Variants in ZNF850 observed in about 807,000 individuals in gnomAD.
ZNF850 encodes putative zinc finger protein ENSP00000330994.
ZNF850 carries 2 observed loss-of-function variants against 11.9 expected under a neutral mutation model. That is an observed-to-expected ratio of 0.17 (90% confidence interval 0.07 to 0.53). ZNF850 has a LOEUF of 0.53. Ranked by LOEUF, ZNF850 falls within the 20% of genes least tolerant of loss-of-function variation. The probability of loss-of-function intolerance (pLI) is 0.94; values close to 1 mark genes in which losing one functional copy is unlikely to be tolerated. For synonymous variants in ZNF850, 381 were observed against 443.0 expected (o/e 0.86, Z 1.76); for missense variants, 1,014 against 1,316.4 (o/e 0.77, Z 3.55).
chr19:36,755,254 G>A (rs1232246587), intron 4 of ZNF850, among the ~76,000 whole-genome samples: 1 of 152,144 alleles, frequency 6.6e-6, no homozygotes, highest in Non-Finnish European at 1.5e-5. Flanking sequence ...TTGAGACAGA[G>A]TCTCGCTCTG....
At chr19:36,762,921 C>T (rs1370332625) in intron 1 of ZNF850, among the ~76,000 whole-genome samples, 2 of 151,406 alleles carry the variant, frequency 1.3e-5, no homozygotes, top group African/African-American at 2.4e-5. Flanking sequence ...GACAGGGTCT[C>T]GTTCTGTTGC....
chr19:36,772,681 C>T (rs1223415138), intron 1 of ZNF850, 44 bp downstream of exon 1: 1 of 153,580 alleles, frequency 6.5e-6, no homozygotes, highest in African/African-American at 2.4e-5. Flanking sequence ...AAACTCCTCT[C>T]CTCAGCCCTC....
chr19:36,770,703 C>CAAAAAAAAAAA lies in ZNF850; in HGVS notation c.-70+2011_-70+2021dup, dbSNP rs567709722. Among the ~76,000 whole-genome samples the CAAAAAAAAAAA allele has an allele frequency of 1.5e-3, 97 of 66,596 alleles. 17 individuals are homozygous for CAAAAAAAAAAA. Among genetic ancestry groups the CAAAAAAAAAAA allele is most frequent in the Non-Finnish European group, 2.2e-3 (71 of 31,916 alleles). 43.7% of individuals were successfully genotyped at this position (66,596 alleles called of 152,430 possible). A position where few individuals can be genotyped will look rare whatever the true frequency, so the allele number is the denominator to read the frequency against. On this transcript the variant is annotated intron_variant, in intron 1 of 4. Transcript: ENST00000591344. Reference sequence around the variant, plus strand: ...TCTGGGCGACAGAGAGAGACTCCATCAAAAAAAAAAAAAAAAAAAAAAAAA... The same window carrying CAAAAAAAAAAA: ...TCTGGGCGACAGAGAGAGACTCCATCAAAAAAAAAAAAAAAAAAAAAAAAAAAAAAAAAAAA...
At chr19:36,767,951 A>G (rs2040558295) in intron 1 of ZNF850, among the ~76,000 whole-genome samples, 1 of 152,184 alleles carries the variant, frequency 6.6e-6, no homozygotes, top group East Asian at 1.9e-4. Context: ...GTACACTGAG[A>G]CACTTCTGCT....
At position 36,746,554 on chromosome 19, in the gene ZNF850, T is replaced by C. The variant is rs943381908; in HGVS notation, c.*1213A>G. 1.3e-4 allele frequency: 20 copies of C among 152,110 alleles called. No individual in the cohort carries two copies. Among genetic ancestry groups the C allele is most frequent in the Admixed American group, 1.3e-3 (20 of 15,266 alleles). The allele number at this position is 152,110 out of a possible 1,614,324, so 9.4% of individuals were successfully genotyped here. A position where few individuals can be genotyped will look rare whatever the true frequency, so the allele number is the denominator to read the frequency against. The stretch of plus-strand genomic sequence containing the variant: ...TAGTAGAGATGGGGTTTCAACATGT[T>C]GGCCAGGCTGGTCTTGAACTCTTAA... On this transcript the variant is annotated 3_prime_UTR_variant, in exon 5 of 5. Coordinates refer to ENST00000591344, the MANE Select transcript of ZNF850 (RefSeq NM_001193552.2).
rs939320021 is a variant in ZNF850, at chr19:36,744,493, G to T, written c.*3274C>A. ...GATACAAAAATTAGCTAGGTGTGGTGGTGTGCGCCTGTAGTCCTTGCTACT... is the reference window on the plus strand; with the variant it reads ...GATACAAAAATTAGCTAGGTGTGGTTGTGTGCGCCTGTAGTCCTTGCTACT... On this transcript the variant is annotated 3_prime_UTR_variant, in exon 5 of 5. Coordinates refer to ENST00000591344, the MANE Select transcript of ZNF850 (RefSeq NM_001193552.2). 2.0e-5 allele frequency: 3 copies of T among 152,008 alleles called. No homozygotes were observed. Among genetic ancestry groups the T allele is most frequent in the African/African-American group, 7.3e-5 (3 of 41,372 alleles). 9.4% of individuals were successfully genotyped at this position (152,008 alleles called of 1,614,324 possible). A position where few individuals can be genotyped will look rare whatever the true frequency, so the allele number is the denominator to read the frequency against.
intron 2 of ZNF850, 76 bp from the exon 3 acceptor site, chr19:36,762,507 G>A: frequency 6.5e-7 from 1 of 1,535,126 alleles, no homozygotes; most frequent in Non-Finnish European, 8.7e-7. Flanking sequence ...ATGGAAGGGT[G>A]CTGAAGGATG....
chr19:36,756,959 C>G (rs997270138), intron 4 of ZNF850, among the ~76,000 whole-genome samples: 2 of 152,134 alleles, frequency 1.3e-5, no homozygotes, highest in Admixed American at 1.3e-4. Flanking sequence ...ACTGCTGTTC[C>G]AGGAAATGTG....
chr19:36,761,594 C>T (rs1228277148), intron 4 of ZNF850, 49 bp downstream of exon 4: 1 of 1,100,504 alleles, frequency 9.1e-7, no homozygotes, highest in South Asian at 1.4e-5. Context: ...CCCTGACAGG[C>T]TGGCTTCTAA....
At chr19:36,772,023 C>G (rs969868035) in intron 1 of ZNF850, among the ~76,000 whole-genome samples, 1 of 152,162 alleles carries the variant, frequency 6.6e-6, no homozygotes, top group African/African-American at 2.4e-5. Context: ...TTAACCCTCG[C>G]CTTCCCTTCA....
intron 4 of ZNF850, among the ~76,000 whole-genome samples, chr19:36,752,186 A>C (rs2040458051): frequency 6.6e-6 from 1 of 152,222 alleles, no homozygotes; most frequent in Non-Finnish European, 1.5e-5. Flanking sequence ...AAGCCTTAGA[A>C]ACAACCAATC....
chr19:36,768,660 C>T (rs1331539231), intron 1 of ZNF850, among the ~76,000 whole-genome samples: 11 of 152,138 alleles, frequency 7.2e-5, no homozygotes, highest in Non-Finnish European at 1.6e-4. Flanking sequence ...AGTCCTCCTT[C>T]CCTTTAAAAA....
chr19:36,745,387 A>T lies in ZNF850; in HGVS notation c.*2380T>A, dbSNP rs2040405947. 1 of 152,178 alleles carries T rather than the reference A, an allele frequency of 6.6e-6. No homozygotes were observed. Among genetic ancestry groups the T allele is most frequent in the Non-Finnish European group, 1.5e-5 (1 of 68,038 alleles). The allele number at this position is 152,178 out of a possible 1,614,324, so 9.4% of individuals were successfully genotyped here. A position where few individuals can be genotyped will look rare whatever the true frequency, so the allele number is the denominator to read the frequency against. On this transcript the variant is annotated 3_prime_UTR_variant, in exon 5 of 5. Transcript: ENST00000591344. ...GTGTAATTTACATATAATAAAATGC[A>T]ACCATATGTCTACATTCATGCAAAT...
At chr19:36,754,828 T>C (rs1188428543) in intron 4 of ZNF850, among the ~76,000 whole-genome samples, 1 of 152,122 alleles carries the variant, frequency 6.6e-6, no homozygotes, top group African/African-American at 2.4e-5. Flanking sequence ...GTGCTGGGAT[T>C]ACAGGCGTGA....
At chr19:36,753,326 T>C (rs1387787984) in intron 4 of ZNF850, among the ~76,000 whole-genome samples, 1 of 134,518 alleles carries the variant, frequency 7.4e-6, no homozygotes, top group Admixed American at 8.1e-5. Flanking sequence ...TGGTGGTTCA[T>C]GGCTCTAATC....
chr19:36,761,549 G>A, intron 4 of ZNF850, 94 bp downstream of exon 4: 1 of 606,260 alleles, frequency 1.6e-6, no homozygotes. Context: ...CCTTGAAGAA[G>A]AGACTCCTCA....
intron 4 of ZNF850, among the ~76,000 whole-genome samples, chr19:36,756,543 C>G (rs1172252880): frequency 6.6e-6 from 1 of 152,144 alleles, no homozygotes; most frequent in African/African-American, 2.4e-5. Context: ...TATATAGTTA[C>G]TATTTATAGA....
rs762595700 is a variant in ZNF850 at position 36,756,678 on chromosome 19, A to G, written c.235+4965T>C. On this transcript the variant is annotated intron_variant, in intron 4 of 4. Transcript: ENST00000591344. The stretch of plus-strand genomic sequence containing the variant: ...GCCTAGGCTGGAGTACAATGGCATG[A>G]TCTTGGCTCACTGCAACCTCCGCCT... Among the ~76,000 whole-genome samples the G allele has an allele frequency of 4.3e-4, 65 of 152,124 alleles. 1 individual carries two copies. Among genetic ancestry groups the G allele is most frequent in the Non-Finnish European group, 7.5e-4 (51 of 67,990 alleles).
At chr19:36,767,598 G>A (rs531908780) in intron 1 of ZNF850, among the ~76,000 whole-genome samples, 10 of 147,822 alleles carry the variant, frequency 6.8e-5, no homozygotes, top group East Asian at 2.1e-4. Flanking sequence ...CTGAGGTGGC[G>A]CATGCCTGTA....
Sources: allele counts gnomAD v4.1 joint callset (sites outside exome capture counted in the v4.1 genomes callset), GRCh38; gene constraint gnomAD v4.1.1; transcripts MANE v1.5; gene names NCBI Gene and HGNC (gene_info 2026-07-23, HGNC 2026-07-21).